GNAO1: variants seen among roughly 807,000 people sequenced by gnomAD.
GNAO1 encodes guanine nucleotide-binding protein G(o) subunit alpha.
For missense variants in GNAO1, 166 were observed against 478.7 expected (o/e 0.35, Z 6.10); for synonymous variants, 164 against 180.7 (o/e 0.91, Z 0.74).
chr16:56,345,293 T>C, intron 6 of GNAO1: 1 of 985,410 alleles, frequency 1.0e-6, no homozygotes, highest in Non-Finnish European at 1.2e-6. Context: ...GGGACCTAGA[T>C]GTGCCATGGG....
intron 3 of GNAO1, among the ~76,000 whole-genome samples, chr16:56,324,977 A>G (rs184084536): frequency 3.9e-5 from 6 of 152,352 alleles, no homozygotes; most frequent in African/African-American, 1.4e-4. Context: ...TCTTTTGTAC[A>G]GACCTTTCGT....
At chr16:56,274,691 T>A (rs1490313253) in intron 2 of GNAO1, among the ~76,000 whole-genome samples, 20 of 152,202 alleles carry the variant, frequency 1.3e-4, no homozygotes, top group African/African-American at 4.6e-4. Context: ...ATGGTTCCAT[T>A]TATATGAACT....
intron 3 of GNAO1, among the ~76,000 whole-genome samples, chr16:56,286,586 T>C (rs1327930818): frequency 6.6e-6 from 1 of 152,148 alleles, no homozygotes; most frequent in Admixed American, 6.5e-5. Context: ...TCATCACTTG[T>C]AACCTTGTGT....
intron 2 of GNAO1, among the ~76,000 whole-genome samples, chr16:56,271,484 C>T (rs1267093305): frequency 6.6e-6 from 1 of 152,184 alleles, no homozygotes; most frequent in Non-Finnish European, 1.5e-5. Flanking sequence ...GACAGAGTCT[C>T]GCTCTGTCGC....
chr16:56,271,748 C>T (rs188414579), intron 2 of GNAO1, among the ~76,000 whole-genome samples: 48 of 152,290 alleles, frequency 3.2e-4, no homozygotes, highest in Admixed American at 1.3e-3. Flanking sequence ...CCACTGCGTC[C>T]GGTGGAAAAT....
Position 56,344,511 on chromosome 16 carries a change from G to T in GNAO1, c.724-6873G>T, listed in dbSNP as rs114410731. Reference sequence around the variant, plus strand: ...CTCCGTCTCCCTGCTCCCTCCCCTGGGTCTCAGCCCTTCCTTCTCTGGGTC... The same window carrying T: ...CTCCGTCTCCCTGCTCCCTCCCCTGTGTCTCAGCCCTTCCTTCTCTGGGTC... On this transcript the variant is annotated intron_variant, in intron 6 of 8. Coordinates refer to ENST00000262493, the MANE Select transcript of GNAO1 (RefSeq NM_020988.3). 2,727 of 988,864 alleles carry T rather than the reference G, an allele frequency of 2.8e-3. 52 individuals carry two copies. The African/African-American group carries it at 0.044, about 16-fold the overall frequency. The allele number at this position is 988,864 out of a possible 1,614,324, so 61.3% of individuals were successfully genotyped here.
chr16:56,323,615 T>C (rs1388359866), intron 3 of GNAO1, among the ~76,000 whole-genome samples: 1 of 152,080 alleles, frequency 6.6e-6, no homozygotes, highest in East Asian at 1.9e-4. Flanking sequence ...CAGCTTACCT[T>C]TCTTTGTGCA....
chr16:56,192,898 A>G (rs1567432351), intron 2 of GNAO1: 1 of 421,892 alleles, frequency 2.4e-6, no homozygotes, highest in South Asian at 3.8e-5. Flanking sequence ...AGAACATCAC[A>G]CTATTGGCAT....
chr16:56,331,794 C>T (rs2037691194), intron 4 of GNAO1, among the ~76,000 whole-genome samples: 1 of 152,200 alleles, frequency 6.6e-6, no homozygotes. Context: ...TTCATATCGC[C>T]AGCCCAGCCC....
intron 2 of GNAO1, among the ~76,000 whole-genome samples, chr16:56,264,295 G>C (rs1194988270): frequency 2.6e-5 from 4 of 152,274 alleles, no homozygotes; most frequent in Non-Finnish European, 5.9e-5. Flanking sequence ...AAGGCGAGAA[G>C]GAACAGAGCT....
intron 2 of GNAO1, among the ~76,000 whole-genome samples, chr16:56,239,500 C>T (rs2036673638): frequency 6.6e-6 from 1 of 152,154 alleles, no homozygotes; most frequent in African/African-American, 2.4e-5. Flanking sequence ...TGGACAGGCC[C>T]TGTTCCCAGC....
intron 2 of GNAO1, among the ~76,000 whole-genome samples, chr16:56,223,385 C>T (rs1171621745): frequency 1.3e-5 from 2 of 152,244 alleles, no homozygotes; most frequent in Admixed American, 6.5e-5. Flanking sequence ...GACTCTTCCT[C>T]CATTGTTATA....
intron 3 of GNAO1, among the ~76,000 whole-genome samples, chr16:56,290,084 C>T (rs1430246136): frequency 3.9e-5 from 6 of 152,234 alleles, no homozygotes; most frequent in African/African-American, 1.2e-4. Flanking sequence ...TTAAATGCCA[C>T]GACCTCCTGG....
intron 3 of GNAO1, among the ~76,000 whole-genome samples, chr16:56,319,107 A>G (rs1159845896): frequency 6.6e-6 from 1 of 152,224 alleles, no homozygotes; most frequent in African/African-American, 2.4e-5. Flanking sequence ...CCTCTTTGCC[A>G]CTGATATTTG....
chr16:56,347,475 G>A, intron 6 of GNAO1: 1 of 985,514 alleles, frequency 1.0e-6, no homozygotes, highest in Non-Finnish European at 1.2e-6. Flanking sequence ...CCTGACCCCT[G>A]ACCCCACCCT....
intron 3 of GNAO1, among the ~76,000 whole-genome samples, chr16:56,313,930 T>A (rs565869482): frequency 1.8e-4 from 27 of 151,622 alleles, no homozygotes; most frequent in Non-Finnish European, 3.2e-4. Flanking sequence ...AGAGACGGGG[T>A]CTCACTGTGT....
At chr16:56,353,356 A>C (rs890474691) in intron 7 of GNAO1, 1 of 152,212 alleles carries the variant, frequency 6.6e-6, no homozygotes, top group Non-Finnish European at 1.5e-5. Context: ...CAAGCACTAG[A>C]TGCCCCAGCG....
intron 2 of GNAO1, among the ~76,000 whole-genome samples, chr16:56,219,161 C>A (rs2036462078): frequency 6.6e-6 from 1 of 152,236 alleles, no homozygotes; most frequent in Non-Finnish European, 1.5e-5. Context: ...CATGTTAGTG[C>A]ACCCCGGGAG....
chr16:56,259,701 CG>C (rs2036885688), intron 2 of GNAO1, among the ~76,000 whole-genome samples: 1 of 152,068 alleles, frequency 6.6e-6, no homozygotes, highest in Non-Finnish European at 1.5e-5. Flanking sequence ...AGGGGCAGGG[CG>C]GGGGTTCATG....
Sources: allele counts gnomAD v4.1 joint callset (sites outside exome capture counted in the v4.1 genomes callset), GRCh38; gene constraint gnomAD v4.1.1; transcripts MANE v1.5; gene names NCBI Gene and HGNC (gene_info 2026-07-23, HGNC 2026-07-21).